Variants in GABRR2 observed in about 807,000 individuals in gnomAD.
The protein encoded by GABRR2 is gamma-aminobutyric acid type A receptor subunit rho2.
Under a neutral mutation model 47.0 loss-of-function variants are expected in GABRR2, and 36 were observed. The observed-to-expected ratio is 0.77, with a 90% CI of 0.59 to 1.01. The LOEUF is 1.01. GABRR2 is among the 50% of genes least tolerant of loss of function. The pLI is 0.00. For synonymous variants in GABRR2, 204 were observed against 227.5 expected (o/e 0.90, Z 0.93); for missense variants, 587 against 594.6 (o/e 0.99, Z 0.13).
intron 3 of GABRR2, among the ~76,000 whole-genome samples, chr6:89,270,152 C>T (rs1005644767): frequency 6.6e-6 from 1 of 152,218 alleles, no homozygotes; most frequent in African/African-American, 2.4e-5. Context: ...TCCACACACA[C>T]GGAGAGCAGC....
At chr6:89,273,436 T>A (rs1774095719) in intron 2 of GABRR2, among the ~76,000 whole-genome samples, 1 of 152,212 alleles carries the variant, frequency 6.6e-6, no homozygotes, top group Non-Finnish European at 1.5e-5. Context: ...GGTTTCACCA[T>A]GTTGGTCAGG....
chr6:89,262,750 T>G (rs1773778345), intron 8 of GABRR2, among the ~76,000 whole-genome samples: 1 of 152,244 alleles, frequency 6.6e-6, no homozygotes. Flanking sequence ...AAAAGGCTAA[T>G]GGCCACTTGG....
intron 2 of GABRR2, among the ~76,000 whole-genome samples, chr6:89,289,437 G>A (rs1439766267): frequency 6.6e-6 from 1 of 152,148 alleles, no homozygotes; most frequent in African/African-American, 2.4e-5. Flanking sequence ...TTGGGGGATG[G>A]CAATATTCTC....
intron 2 of GABRR2, among the ~76,000 whole-genome samples, chr6:89,295,909 G>T (rs1427110675): frequency 6.6e-6 from 1 of 152,094 alleles, no homozygotes; most frequent in East Asian, 1.9e-4. Context: ...TCTTGTTTTT[G>T]TCAGGTTTGT....
chr6:89,267,748 T>C lies in GABRR2; in HGVS notation c.667A>G (p.Ile223Val). ...TGAATCAGAAACTGAGACAAGGAGA[T>C]CTTCTCATCTGTTTTTAGGGATTCA... ...GDESLKTDEK[I>V]SLSQFLIQKF... is the part of the protein sequence containing the mutation. Residue 223 changes from isoleucine to valine, a missense_variant, in exon 6 of 9, where the codon ATC (isoleucine) becomes GTC (valine). Transcript: ENST00000402938. 2 of 1,613,856 alleles carry C rather than the reference T, an allele frequency of 1.2e-6. No homozygotes were observed. The highest frequency in any genetic ancestry group is 1.1e-5 in the South Asian group (1 of 91,082).
intron 2 of GABRR2, among the ~76,000 whole-genome samples, chr6:89,297,021 T>C (rs1174484506): frequency 6.6e-6 from 1 of 151,962 alleles, no homozygotes; most frequent in African/African-American, 2.4e-5. Context: ...TAGCCTTGGG[T>C]AAAAAGGTAC....
chr6:89,267,883 G>T (rs1394690971), intron 5 of GABRR2, 64 bp from the exon 6 acceptor site: 1 of 1,598,482 alleles, frequency 6.3e-7, no homozygotes, highest in Non-Finnish European at 8.6e-7. Flanking sequence ...GAAGTAACAG[G>T]GAAATCCTAT....
At chr6:89,275,184 C>A (rs1774135911) in intron 2 of GABRR2, among the ~76,000 whole-genome samples, 1 of 152,192 alleles carries the variant, frequency 6.6e-6, no homozygotes, top group South Asian at 2.1e-4. Flanking sequence ...ACTAGAAAAT[C>A]AATCAAGGAA....
In GABRR2 at chr6:89,292,019, C is replaced by T. The variant is rs534098271; in HGVS notation, c.220+7740G>A. Among the ~76,000 whole-genome samples the T allele has an allele frequency of 3.6e-4, 55 of 152,260 alleles. No individual in the cohort carries two copies. In the Middle Eastern group the frequency reaches 0.017, roughly 47 times the overall value. On this transcript the variant is annotated intron_variant, in intron 2 of 8. Transcript: ENST00000402938. ...ACTGCCCTTCCAACTAGAGCATAAACTCCAAGGACTATGTCTGTCTTGCTG... is the reference window on the plus strand; with the variant it reads ...ACTGCCCTTCCAACTAGAGCATAAATTCCAAGGACTATGTCTGTCTTGCTG...
chr6:89,268,190 C>A, intron 4 of GABRR2, 94 bp from the exon 5 acceptor site: 2 of 823,776 alleles, frequency 2.4e-6, no homozygotes, highest in Non-Finnish European at 4.1e-6. Flanking sequence ...AACTGAGTAG[C>A]TGCCTCCTCA....
At chr6:89,309,386 C>T (rs1161871792) in intron 1 of GABRR2, among the ~76,000 whole-genome samples, 1 of 152,046 alleles carries the variant, frequency 6.6e-6, no homozygotes, top group Non-Finnish European at 1.5e-5. Flanking sequence ...CTCAGCTTCT[C>T]CCCCTTTCAT....
At chr6:89,261,675 G>T (rs1344314764) in intron 8 of GABRR2, among the ~76,000 whole-genome samples, 1 of 152,214 alleles carries the variant, frequency 6.6e-6, no homozygotes, top group Non-Finnish European at 1.5e-5. Flanking sequence ...TACACTGTGT[G>T]CTAACTGCCA....
chr6:89,261,395 C>T (rs1193597237), intron 8 of GABRR2, among the ~76,000 whole-genome samples: 1 of 152,072 alleles, frequency 6.6e-6, no homozygotes, highest in Non-Finnish European at 1.5e-5. Flanking sequence ...TTCTAAGCCC[C>T]CAAACTGATG....
At chr6:89,308,103 C>T (rs780120313) in intron 1 of GABRR2, among the ~76,000 whole-genome samples, 14 of 152,306 alleles carry the variant, frequency 9.2e-5, no homozygotes, top group Non-Finnish European at 2.1e-4. Context: ...GCATGAGCCA[C>T]CGCGCTCGGC....
At chr6:89,279,606 A>G (rs1435272666) in intron 2 of GABRR2, among the ~76,000 whole-genome samples, 1 of 151,712 alleles carries the variant, frequency 6.6e-6, no homozygotes, top group African/African-American at 2.4e-5. Context: ...TCCTGGCCTT[A>G]AGGGATCCTC....
In GABRR2 at chr6:89,268,024, C is replaced by G. The variant is rs1413417213; in HGVS notation, c.585G>C (p.Glu195Asp). 6.2e-7 allele frequency: 1 copy of G among 1,611,446 alleles called. No homozygotes were observed. Among genetic ancestry groups the G allele is most frequent in the African/African-American group, 1.3e-5 (1 of 74,890 alleles). The change falls in exon 5 of 9, where the codon GAG (glutamate) becomes GAC (aspartate). Residue 195 changes from glutamate to aspartate, a missense_variant. Physicochemically the swap from Glu to Asp is conservative, Grantham distance 45. Coordinates refer to ENST00000402938, the MANE Select transcript of GABRR2 (RefSeq NM_002043.5). ...AATGCTGATACTTACAGCTCTCCAG[C>G]TCCAAAGAACAGGTCTGGGAGTCCA... Reference protein sequence around the residue: ...FPLDSQTCSLELESYAYTDED... With the variant: ...FPLDSQTCSLDLESYAYTDED...
chr6:89,302,627 G>A, intron 1 of GABRR2: 1 of 1,256,598 alleles, frequency 8.0e-7, no homozygotes, highest in Middle Eastern at 2.9e-4. Flanking sequence ...CCGTGCCCGA[G>A]CTCACCCCTC....
At chr6:89,261,592 A>T (rs1773747199) in intron 8 of GABRR2, among the ~76,000 whole-genome samples, 1 of 152,236 alleles carries the variant, frequency 6.6e-6, no homozygotes, top group Admixed American at 6.5e-5. Context: ...TGGCCATAAG[A>T]TACCAAATTA....
chr6:89,278,900 G>A (rs1426921487), intron 2 of GABRR2, among the ~76,000 whole-genome samples: 2 of 152,208 alleles, frequency 1.3e-5, no homozygotes, highest in Admixed American at 1.3e-4. Flanking sequence ...ATGGCTTTGT[G>A]GTCCCACAGG....
Sources: gnomAD v4.1 joint callset for allele counts (sites outside exome capture counted in the v4.1 genomes callset) on GRCh38, gnomAD v4.1.1 for gene constraint, MANE v1.5 for transcripts, NCBI Gene and HGNC (gene_info 2026-07-23, HGNC 2026-07-21) for gene names.